The following JHY variants were observed in gnomAD, a reference collection of about 807,000 sequenced individuals.
The protein encoded by JHY is jhy protein homolog.
In JHY, 69 loss-of-function variants were observed where a neutral mutation model predicts 78.0. The ratio of observed to expected loss-of-function variants is 0.88; its 90% CI spans 0.73 to 1.08. The LOEUF is 1.08. JHY is among the 50% of genes least tolerant of loss of function. JHY has a pLI of 0.00. For missense variants in JHY, 944 were observed against 927.8 expected, an observed-to-expected ratio of 1.02 and a Z score of -0.23; for synonymous variants, 368 against 342.6, an observed-to-expected ratio of 1.07 and a Z score of -0.82.
chr11:122,903,830 A>C, intron 2 of JHY, 95 bp from the exon 3 acceptor site: 1 of 1,449,922 alleles, frequency 6.9e-7, no homozygotes, highest in Non-Finnish European at 9.3e-7. Context: ...TATAGGAGAA[A>C]GACTGAGATT....
In JHY at chr11:122,959,405, A is replaced by G. The variant is rs2135387580; in HGVS notation, c.2297A>G (p.Lys766Arg). 5 of 1,614,196 alleles carry G rather than the reference A, an allele frequency of 3.1e-6. No individual in the cohort carries two copies. Among genetic ancestry groups the G allele is most frequent in the Non-Finnish European group, 4.2e-6 (5 of 1,180,014 alleles). Reference protein sequence around the residue: ...EILQNRHEREKQAVAAFKVLH... With the variant: ...EILQNRHERERQAVAAFKVLH... ...CTGCAGAACAGACACGAAAGGGAAA[A>G]ACAGGCTGTGGCTGCTTTCAAAGTC... Residue 766 changes from lysine to arginine, a missense_variant, in exon 9 of 9, where the codon AAA (lysine) becomes AGA (arginine). Coordinates refer to ENST00000227349, the MANE Select transcript of JHY (RefSeq NM_024806.4).
At chr11:122,897,758 G>A (rs1215204327) in intron 2 of JHY, among the ~76,000 whole-genome samples, 1 of 152,186 alleles carries the variant, frequency 6.6e-6, no homozygotes, top group Non-Finnish European at 1.5e-5. Flanking sequence ...GAGGTCTGTA[G>A]TCATGACTGT....
Position 122,957,427 on chromosome 11 carries a change from T to C in JHY, c.2075T>C (p.Leu692Pro). Residue 692 changes from leucine to proline, a missense_variant, in exon 8 of 9, where the codon CTA becomes CCA. By Grantham distance (98) the Leu-to-Pro change is moderately conservative (BLOSUM62 -3). Transcript: ENST00000227349. Reference protein sequence around the residue: ...KQVKEYNMKTLSILSKPQTEK... With the variant: ...KQVKEYNMKTPSILSKPQTEK... Reference sequence around the variant, plus strand: ...GTCAAGGAGTACAACATGAAGACACTATCCATTCTATCAAAACCACAAACA... The same window carrying C: ...GTCAAGGAGTACAACATGAAGACACCATCCATTCTATCAAAACCACAAACA... The C allele has an allele frequency of 6.5e-7, 1 of 1,536,524 alleles. No homozygotes were observed. Among genetic ancestry groups the C allele is most frequent in the East Asian group, 2.6e-5 (1 of 39,214 alleles).
Position 122,924,901 on chromosome 11 carries a change from C to T in JHY, c.869C>T (p.Ser290Phe). ...GTATGTGTTTTACCTACCTAGATCT[C>T]CTACCCCGTCAGAGTAACAGACAAG... Reference protein sequence around the residue: ...KRGESHPEQISYPVRVTDKTS... With the variant: ...KRGESHPEQIFYPVRVTDKTS... The change falls in exon 4 of 9, where the codon TCC becomes TTC. Residue 290 changes from serine to phenylalanine, a missense_variant. Coordinates refer to ENST00000227349, the MANE Select transcript of JHY (RefSeq NM_024806.4). The T allele has an allele frequency of 1.2e-6, 2 of 1,612,368 alleles. No individual in the cohort carries two copies. Among genetic ancestry groups the T allele is most frequent in the Non-Finnish European group, 1.7e-6 (2 of 1,178,482 alleles).
chr11:122,947,053 C>G, intron 6 of JHY: 1 of 352,050 alleles, frequency 2.8e-6, no homozygotes, highest in Non-Finnish European at 5.1e-6. Flanking sequence ...TCTCCATTTG[C>G]AGAGTGGCAG....
rs944465695 is a variant in JHY at position 122,948,780 on chromosome 11, T to C, written c.1929+1988T>C. On this transcript the variant is annotated intron_variant, in intron 6 of 8. Coordinates refer to ENST00000227349, the MANE Select transcript of JHY (RefSeq NM_024806.4). ...CTGCGTCTTAGAGGGTGATGAAGAG[T>C]TGGCAAAGAAGACTGCAAGAGCAGG... Among the ~76,000 whole-genome samples the C allele has an allele frequency of 4.6e-5, 7 of 151,704 alleles. No homozygotes were observed. The East Asian group carries it at 1.2e-3, about 25-fold the overall frequency.
In JHY at chr11:122,961,552, G is replaced by A. The variant is rs894356860; in HGVS notation, c.*2107G>A. Among the ~76,000 whole-genome samples, 8 of 152,036 alleles carry A rather than the reference G, an allele frequency of 5.3e-5. No homozygotes were observed. In the East Asian group the frequency reaches 7.7e-4, roughly 15 times the overall value. On this transcript the variant is annotated 3_prime_UTR_variant, in exon 9 of 9. Coordinates refer to ENST00000227349, the MANE Select transcript of JHY (RefSeq NM_024806.4). The stretch of plus-strand genomic sequence containing the variant: ...ATACTTTTAGTAGAGGCAGGGTTTC[G>A]CCATGTTGACCAGGCTGGTCTTGAA...
chr11:122,960,565 T>C lies in JHY; in HGVS notation c.*1120T>C, dbSNP rs369269137. 7.8e-5 allele frequency: 19 copies of C among 243,786 alleles called. No individual in the cohort carries two copies. The East Asian group carries it at 1.5e-3, about 20-fold the overall frequency. The allele number at this position is 243,786 out of a possible 1,614,324, so 15.1% of individuals were successfully genotyped here. On this transcript the variant is annotated 3_prime_UTR_variant, in exon 9 of 9. Coordinates refer to ENST00000227349, the MANE Select transcript of JHY (RefSeq NM_024806.4). ...GAAACCAGTGTAACAGGACCCTATG[T>C]GCTCCAAACTGGGCTTATCTTGTAT...
Position 122,958,877 on chromosome 11 carries a change from G to T in JHY, c.2140-371G>T, listed in dbSNP as rs528227055. The stretch of plus-strand genomic sequence containing the variant: ...TCTCAAGCTGTAACAAGTCTTCTTT[G>T]GATAGAAAGGTCTATTAATATCTCC... On this transcript the variant is annotated intron_variant, in intron 8 of 8. Transcript: ENST00000227349. 15 of 985,216 alleles carry T rather than the reference G, an allele frequency of 1.5e-5. 1 individual carries two copies. In the South Asian group the frequency reaches 6.6e-4, roughly 43 times the overall value. 61.0% of individuals were successfully genotyped at this position (985,216 alleles called of 1,614,324 possible). A position where few individuals can be genotyped will look rare whatever the true frequency, so the allele number is the denominator to read the frequency against.
At chr11:122,904,592 G>T in intron 3 of JHY, 148 bp downstream of exon 3, 1 of 878,388 alleles carries the variant, frequency 1.1e-6, no homozygotes, top group East Asian at 2.5e-5. Flanking sequence ...AGGCTATCCT[G>T]TATGTTTATG....
At position 122,909,132 on chromosome 11, in the gene JHY, C is replaced by T. The variant is rs181588929; in HGVS notation, c.864+4688C>T. Among the ~76,000 whole-genome samples, 116 of 152,264 alleles carry T rather than the reference C, an allele frequency of 7.6e-4. No individual in the cohort carries two copies. The Middle Eastern group carries it at 0.014, about 18-fold the overall frequency. ...TTACACATATAAGAGGTTACTCAGT[C>T]TCAGCCTATTAGAGAAATGCAAATT... On this transcript the variant is annotated intron_variant, in intron 3 of 8. Transcript: ENST00000227349.
intron 2 of JHY, among the ~76,000 whole-genome samples, chr11:122,890,415 T>A (rs1309927163): frequency 6.6e-6 from 1 of 152,180 alleles, no homozygotes; most frequent in Non-Finnish European, 1.5e-5. Flanking sequence ...CCAAACCCTG[T>A]TTTTATCCTG....
intron 2 of JHY, among the ~76,000 whole-genome samples, chr11:122,888,287 T>C (rs1862537872): frequency 6.6e-6 from 1 of 152,208 alleles, no homozygotes; most frequent in Admixed American, 6.5e-5. Flanking sequence ...AAGATTATTA[T>C]GCAAGCTAGT....
intron 5 of JHY, among the ~76,000 whole-genome samples, chr11:122,938,032 G>GT (rs1438597935): frequency 6.6e-6 from 1 of 151,754 alleles, no homozygotes; most frequent in South Asian, 2.1e-4. Context: ...GTTGTTTTTT[G>GT]TTTTTTGTTT....
intron 4 of JHY, among the ~76,000 whole-genome samples, chr11:122,928,725 T>G (rs1335745715): frequency 6.9e-6 from 1 of 144,708 alleles, no homozygotes; most frequent in African/African-American, 2.6e-5. Context: ...CTCGGCTCAC[T>G]GCAAGCTCCG....
At chr11:122,890,054 C>G (rs945042407) in intron 2 of JHY, among the ~76,000 whole-genome samples, 4 of 94,378 alleles carry the variant, frequency 4.2e-5, no homozygotes, top group African/African-American at 1.3e-4. Flanking sequence ...GCCCCAGTTT[C>G]TTGTTTTTTT....
At chr11:122,930,442 T>C (rs965003394) in intron 4 of JHY, among the ~76,000 whole-genome samples, 2 of 152,142 alleles carry the variant, frequency 1.3e-5, no homozygotes, top group African/African-American at 4.8e-5. Flanking sequence ...CTTCTTTTCA[T>C]AGGAGAGACT....
intron 1 of JHY, among the ~76,000 whole-genome samples, chr11:122,885,295 C>T (rs1862472083): frequency 6.6e-6 from 1 of 152,180 alleles, no homozygotes; most frequent in Admixed American, 6.5e-5. Context: ...TGGAAAACTA[C>T]ACTCTTCTTT....
In JHY at chr11:122,959,685, A is replaced by G; in HGVS notation, c.*240A>G. 8.9e-6 allele frequency: 4 copies of G among 449,120 alleles called. No individual in the cohort carries two copies. Among genetic ancestry groups the G allele is most frequent in the Non-Finnish European group, 1.6e-5 (4 of 254,958 alleles). 27.8% of individuals were successfully genotyped at this position (449,120 alleles called of 1,614,324 possible). A position where few individuals can be genotyped will look rare whatever the true frequency, so the allele number is the denominator to read the frequency against. ...TTCAAATCAGTTAGAATTGGAGCTG[A>G]ATAATAACTAGAGAATAAAGCTTTT... On this transcript the variant is annotated 3_prime_UTR_variant, in exon 9 of 9. Transcript: ENST00000227349.
Sources: allele counts gnomAD v4.1 joint callset (sites outside exome capture counted in the v4.1 genomes callset), GRCh38; gene constraint gnomAD v4.1.1; transcripts MANE v1.5; gene names NCBI Gene and HGNC (gene_info 2026-07-23, HGNC 2026-07-21).